The following ZNF875 variants were observed in gnomAD, a reference collection of about 807,000 sequenced individuals.
The protein encoded by ZNF875 is zinc finger protein 875, also known as HKR1, GLI-Kruppel zinc finger family member.
Under a neutral mutation model 11.2 loss-of-function variants are expected in ZNF875, and 14 were observed. The ratio of observed to expected loss-of-function variants is 1.26; its 90% confidence interval spans 0.83 to 1.96. The LOEUF is 1.96. ZNF875 is among the 30% of genes most tolerant of loss of function. The pLI is 0.00. For missense variants in ZNF875, 752 were observed against 760.4 expected (o/e 0.99, Z 0.13); for synonymous variants, 301 against 281.1 (o/e 1.07, Z -0.71).
chr19:37,363,769 A>C lies in ZNF875; in HGVS notation c.1917A>C (p.Ser639=). 6.2e-7 allele frequency: 1 copy of C among 1,613,522 alleles called. No homozygotes were observed. Among genetic ancestry groups the C allele is most frequent in the Non-Finnish European group, 8.5e-7 (1 of 1,179,562 alleles). The part of the protein sequence containing the change: ...SNLIRHQRTH[S]G ...TTATCAGACATCAGAGGACACACTC[A>C]GGATAGAAACTTTATGTGTATAGGG... The change falls in exon 5 of 5, where the codon TCA becomes TCC. Residue 639 remains serine, a synonymous_variant. Transcript: ENST00000392153.
intron 2 of ZNF875, chr19:37,346,370 G>C (rs2036768305): frequency 6.6e-6 from 1 of 152,226 alleles, no homozygotes. Context: ...TCCAAATCCA[G>C]ATAGTATGGG....
intron 1 of ZNF875, 165 bp from the exon 2 acceptor site, chr19:37,335,004 A>AG: frequency 1.8e-6 from 1 of 544,916 alleles, no homozygotes; most frequent in East Asian, 3.2e-5. Flanking sequence ...GCTGAGCTTG[A>AG]GGGTGGCTGG....
intron 4 of ZNF875, among the ~76,000 whole-genome samples, chr19:37,325,369 T>C (rs1386793698): frequency 3.3e-5 from 5 of 152,160 alleles, no homozygotes; most frequent in African/African-American, 1.2e-4. Context: ...TCCAGAGCAG[T>C]GCTTTCCAAT....
intron 4 of ZNF875, among the ~76,000 whole-genome samples, chr19:37,361,709 G>A (rs1169799248): frequency 1.3e-5 from 2 of 151,968 alleles, no homozygotes; most frequent in South Asian, 4.2e-4. Flanking sequence ...CTGAGGTCAG[G>A]AGTTCAAGAC....
At chr19:37,355,828 C>A (rs1407585108) in intron 4 of ZNF875, among the ~76,000 whole-genome samples, 1 of 152,132 alleles carries the variant, frequency 6.6e-6, no homozygotes, top group Non-Finnish European at 1.5e-5. Context: ...AGGTTTGTTA[C>A]ATGGGTATAT....
upstream of ZNF875, chr19:37,317,008 C>T (rs984687790): frequency 1.0e-4 from 14 of 138,562 alleles, no homozygotes; most frequent in African/African-American, 3.8e-4. Flanking sequence ...GAGTTTCGGT[C>T]TTGCCGCCCA....
intron 4 of ZNF875, chr19:37,359,440 T>A: frequency 3.7e-6 from 1 of 271,130 alleles, no homozygotes; most frequent in Non-Finnish European, 7.5e-6. Context: ...AGCCTTGCTC[T>A]GTTGCCAGGC....
At chr19:37,337,211 A>G (rs2034655033) in intron 2 of ZNF875, 1 of 152,182 alleles carries the variant, frequency 6.6e-6, no homozygotes, top group Non-Finnish European at 1.5e-5. Flanking sequence ...GGTTGAAACC[A>G]TTGACTACCT....
chr19:37,329,830 T>C (rs1438443889), upstream of ZNF875, among the ~76,000 whole-genome samples: 3 of 152,104 alleles, frequency 2.0e-5, no homozygotes, highest in Non-Finnish European at 2.9e-5. Flanking sequence ...TCCTGGATGC[T>C]CTCTCTCTCT....
Position 37,362,410 on chromosome 19 carries a change from A to C in ZNF875, c.558A>C (p.Pro186=), listed in dbSNP as rs1018522495. 8 of 1,614,192 alleles carry C rather than the reference A, an allele frequency of 5.0e-6. No homozygotes were observed. Among genetic ancestry groups the C allele is most frequent in the Non-Finnish European group, 6.8e-6 (8 of 1,180,046 alleles). Residue 186 remains proline (P), a synonymous_variant, in exon 5 of 5, where the codon CCA becomes CCC. Transcript: ENST00000392153. ...ALSSPPEEQQ[P]AQSKEDNTVV... is the part of the protein sequence containing the mutation. ...CCAGCCCACCTGAAGAACAACAGCC[A>C]GCACAGTCCAAGGAAGACAACACAG...
upstream of ZNF875, among the ~76,000 whole-genome samples, chr19:37,333,501 A>C (rs774744343): frequency 5.9e-5 from 9 of 152,184 alleles, no homozygotes; most frequent in Non-Finnish European, 1.2e-4. Context: ...TTCTCCAGGC[A>C]AAGGGATGTT....
chr19:37,342,385 A>T (rs997408387), intron 2 of ZNF875, among the ~76,000 whole-genome samples: 1 of 148,532 alleles, frequency 6.7e-6, no homozygotes, highest in Non-Finnish European at 1.5e-5. Context: ...ACATTATTAT[A>T]TGTCACTAGA....
chr19:37,362,777 C>T lies in ZNF875; in HGVS notation c.925C>T (p.Pro309Ser). ...TCAGAGGACACACTCAGGGGAGAAA[C>T]CTTATGTGTGCAAGGATTGTGGACG... ...THQRTHSGEKPYVCKDCGRGF... is the reference protein window; with the variant it reads ...THQRTHSGEKSYVCKDCGRGF... Residue 309 changes from proline to serine, a missense_variant, in exon 5 of 5, where the codon CCT (proline) becomes TCT (serine). By Grantham distance (74) the Pro-to-Ser change is moderately conservative (BLOSUM62 -1). Transcript: ENST00000392153. 6.2e-7 allele frequency: 1 copy of T among 1,613,812 alleles called. No individual in the cohort carries two copies. The highest frequency in any genetic ancestry group is 8.5e-7 in the Non-Finnish European group (1 of 1,179,910).
rs1459988174 is a variant in ZNF875, at chr19:37,347,253, C to T, written c.97C>T (p.Pro33Ser). The change falls in exon 3 of 5, where the codon CCT becomes TCT. Residue 33 changes from proline (P) to serine (S), a missense_variant. By Grantham distance (74) the Pro-to-Ser change is moderately conservative. Coordinates refer to ENST00000392153, the MANE Select transcript of ZNF875 (RefSeq NM_001353803.2). ...FTQEEWRLLS[P>S]AQRTLHREVM... ...CCAGGAGGAGTGGAGGTTGTTGAGC[C>T]CTGCTCAGAGGACCCTGCACAGGGA... 1.9e-6 allele frequency: 3 copies of T among 1,614,012 alleles called. No individual in the cohort carries two copies. In the South Asian group the frequency reaches 3.3e-5, roughly 18 times the overall value.
chr19:37,350,720 A>T (rs1280313034), intron 4 of ZNF875, among the ~76,000 whole-genome samples: 4 of 151,714 alleles, frequency 2.6e-5, no homozygotes, highest in African/African-American at 9.7e-5. Flanking sequence ...CTACAAAGAA[A>T]ACTCTCCTGT....
At chr19:37,343,017 C>T (rs113983125) in intron 2 of ZNF875, among the ~76,000 whole-genome samples, 54 of 152,250 alleles carry the variant, frequency 3.5e-4, no homozygotes, top group African/African-American at 1.0e-3. Flanking sequence ...CACTTCACTT[C>T]TGTGTACCAA....
In ZNF875 at chr19:37,362,391, C is replaced by G. The variant is rs375073077; in HGVS notation, c.539C>G (p.Pro180Arg). The stretch of plus-strand genomic sequence containing the variant: ...GGCACTTCAAAGGCACTTTCCAGCC[C>G]ACCTGAAGAACAACAGCCAGCACAG... ...KNGTSKALSS[P>R]PEEQQPAQSK... is the part of the protein sequence containing the mutation. Residue 180 changes from proline (P) to arginine (R), a missense_variant, in exon 5 of 5, where the codon CCA (proline) becomes CGA (arginine). Transcript: ENST00000392153. 18 of 1,614,002 alleles carry G rather than the reference C, an allele frequency of 1.1e-5. No individual in the cohort carries two copies. Among genetic ancestry groups the G allele is most frequent in the Admixed American group, 1.7e-5 (1 of 60,002 alleles).
At chr19:37,317,140 A>G (rs2030266604), upstream of ZNF875, 1 of 144,322 alleles carries the variant, frequency 6.9e-6, no homozygotes, top group South Asian at 2.1e-4. Flanking sequence ...ACGCCCGGCT[A>G]CATTTCCTTT....
chr19:37,318,583 G>A (rs2030566805), intron 1 of ZNF875, among the ~76,000 whole-genome samples: 3 of 150,766 alleles, frequency 2.0e-5, no homozygotes, highest in Middle Eastern at 3.4e-3. Context: ...GTGCAGTGGC[G>A]TGATCTCGAG....
Sources: allele counts gnomAD v4.1 joint callset (sites outside exome capture counted in the v4.1 genomes callset), GRCh38; gene constraint gnomAD v4.1.1; transcripts MANE v1.5; gene names NCBI Gene and HGNC (gene_info 2026-07-23, HGNC 2026-07-21).